SYNM: variants seen among roughly 807,000 people sequenced by gnomAD.
The protein encoded by SYNM is desmuslin.
In SYNM, 95 loss-of-function variants were observed where a neutral mutation model predicts 104.0. The observed-to-expected ratio is 0.91, with a 90% CI of 0.77 to 1.08. SYNM has a LOEUF of 1.08. SYNM is among the 50% of genes least tolerant of loss of function. SYNM has a pLI of 0.00. For missense variants in SYNM, 2,150 were observed against 2,052.2 expected (o/e 1.05, Z -0.92); for synonymous variants, 918 against 869.0 (o/e 1.06, Z -0.99).
downstream of SYNM, chr15:99,139,124 T>C (rs963685514): frequency 5.4e-6 from 4 of 740,112 alleles, no homozygotes; most frequent in Non-Finnish European, 7.0e-6. Context: ...AAGGATGAAT[T>C]ATTTTTAAAT....
At position 99,131,314 on chromosome 15, in the gene SYNM, A is replaced by T; in HGVS notation, c.2954A>T (p.Asp985Val). The T allele has an allele frequency of 6.2e-7, 1 of 1,613,076 alleles. No homozygotes were observed. The highest frequency in any genetic ancestry group is 8.5e-7 in the Non-Finnish European group (1 of 1,179,694). Residue 985 changes from aspartate to valine, a missense_variant, in exon 4 of 4, where the codon GAT (aspartate) becomes GTT (valine). Coordinates refer to ENST00000336292, the MANE Select transcript of SYNM (RefSeq NM_145728.3). The surrounding 1 kb of genome is among the most constrained non-coding windows in gnomAD (Gnocchi z 4.3). ...GGTGGGCCGGGGAGCGTTTCCGTGG[A>T]TGTCAAGAAGGTCCAGGGTGCTGGT... is the stretch of plus-strand genomic sequence containing the variant. The part of the protein sequence containing the change: ...GQGGPGSVSV[D>V]VKKVQGAGGS...
intron 1 of SYNM, among the ~76,000 whole-genome samples, chr15:99,108,737 A>C (rs1047976668): frequency 9.2e-5 from 14 of 152,150 alleles, no homozygotes; most frequent in Admixed American, 3.9e-4. Flanking sequence ...GTAAGTAGTT[A>C]AGCCAGGATT....
chr15:99,123,649 C>T (rs2067421891), intron 2 of SYNM, among the ~76,000 whole-genome samples: 2 of 152,252 alleles, frequency 1.3e-5, no homozygotes, highest in Non-Finnish European at 2.9e-5. Flanking sequence ...GCTCCTTCTC[C>T]AGCTCCGGAG....
chr15:99,136,244 TG>T (rs1261103938), downstream of SYNM: 1 of 65,480 alleles, frequency 1.5e-5, no homozygotes, highest in Non-Finnish European at 2.9e-5. Flanking sequence ...TGGGGTGGGG[TG>T]GGGGCGCTAA....
the SYNM span, among the ~76,000 whole-genome samples, chr15:99,141,562 A>G: frequency 4.6e-5 from 7 of 152,164 alleles, no homozygotes; most frequent in African/African-American, 1.7e-4. Context: ...TTCATAATAT[A>G]TTTTTTAAAA....
chr15:99,116,056 G>A (rs896579734), intron 2 of SYNM, among the ~76,000 whole-genome samples: 1 of 152,248 alleles, frequency 6.6e-6, no homozygotes, highest in Non-Finnish European at 1.5e-5. Flanking sequence ...GCTTCACCAA[G>A]GGATGAATTG....
Position 99,131,429 on chromosome 15 carries a change from G to C in SYNM, c.3069G>C (p.Glu1023Asp). ...ACCTGGAGGAGCTGAGCAAAGATGA[G>C]GCCAGTGAGATGGAGAAGGCTGTGG... Reference protein sequence around the residue: ...RLDLEELSKDEASEMEKAVES... With the variant: ...RLDLEELSKDDASEMEKAVES... The change falls in exon 4 of 4, where the codon GAG (glutamate) becomes GAC (aspartate). Residue 1023 changes from glutamate to aspartate, a missense_variant. Transcript: ENST00000336292. The surrounding 1 kb of genome is among the most constrained non-coding windows in gnomAD (Gnocchi z 4.3). 6.2e-7 allele frequency: 1 copy of C among 1,610,362 alleles called. No homozygotes were observed. Among genetic ancestry groups the C allele is most frequent in the Non-Finnish European group, 8.5e-7 (1 of 1,179,282 alleles).
chr15:99,125,682 C>T (rs2067440870), intron 2 of SYNM, among the ~76,000 whole-genome samples: 2 of 152,224 alleles, frequency 1.3e-5, no homozygotes, highest in South Asian at 4.1e-4. Flanking sequence ...CGTTTTTGTG[C>T]CCAGCTCTCA....
At chr15:99,109,319 T>C (rs1327431412) in intron 1 of SYNM, among the ~76,000 whole-genome samples, 1 of 152,126 alleles carries the variant, frequency 6.6e-6, no homozygotes, top group African/African-American at 2.4e-5. Flanking sequence ...GGAGGGGGCT[T>C]CAGAAAACAC....
chr15:99,112,827 C>A (rs2067311560), intron 1 of SYNM, among the ~76,000 whole-genome samples: 1 of 152,206 alleles, frequency 6.6e-6, no homozygotes, highest in Admixed American at 6.5e-5. Context: ...TCCTGTTCCT[C>A]AGCCTCCTGA....
downstream of SYNM, chr15:99,139,659 T>C: frequency 6.9e-7 from 1 of 1,439,728 alleles, no homozygotes; most frequent in South Asian, 1.3e-5. Flanking sequence ...TTAAAAGTAG[T>C]ATTTTTAAAA....
At chr15:99,139,393 G>A, downstream of SYNM, 1 of 1,614,166 alleles carries the variant, frequency 6.2e-7, no homozygotes, top group Non-Finnish European at 8.5e-7. Flanking sequence ...GTCTGGATCT[G>A]GAGACACTGT....
downstream of SYNM, chr15:99,140,364 G>C (rs191212592): frequency 6.6e-6 from 1 of 152,070 alleles, no homozygotes; most frequent in East Asian, 1.9e-4. Context: ...GAAAATACTG[G>C]AAAATATATA....
At position 99,131,878 on chromosome 15, in the gene SYNM, A is replaced by G; in HGVS notation, c.3518A>G (p.His1173Arg). 1 of 1,613,972 alleles carries G rather than the reference A, an allele frequency of 6.2e-7. No individual in the cohort carries two copies. The highest frequency in any genetic ancestry group is 8.5e-7 in the Non-Finnish European group (1 of 1,179,898). Residue 1173 changes from histidine to arginine, a missense_variant, in exon 4 of 4, where the codon CAT becomes CGT. By Grantham distance (29) the His-to-Arg change is conservative (BLOSUM62 0). Transcript: ENST00000336292. This position sits in a 1 kb window ranked among gnomAD's most constrained non-coding sequence, Gnocchi z 4.3. ...SPTGASRSVR[H>R]VTLGPGQSPL... ...ACCGGAGCCAGCCGGTCTGTGAGGC[A>G]TGTCACGCTGGGTCCCGGTCAAAGT...
At position 99,133,281 on chromosome 15, in the gene SYNM, CT is replaced by C; in HGVS notation, c.*227del. 1.1e-6 allele frequency: 1 copy of C among 928,598 alleles called. No homozygotes were observed. Among genetic ancestry groups the C allele is most frequent in the Non-Finnish European group, 1.5e-6 (1 of 660,578 alleles). 57.5% of individuals were successfully genotyped at this position (928,598 alleles called of 1,614,324 possible). ...CTGCAATTTTATTTTTGAGTTGGGACTTTTACAAAACACTTTTTTCCCTGGA... is the reference window on the plus strand; with the variant it reads ...CTGCAATTTTATTTTTGAGTTGGGACTTTACAAAACACTTTTTTCCCTGGA... On this transcript the variant is annotated 3_prime_UTR_variant, in exon 4 of 4. Transcript: ENST00000336292.
rs781923096 is a variant in SYNM at position 99,131,315 on chromosome 15, TGTCAAGAAG to T, written c.2959_2967del (p.Lys987_Val989del). ...GTGGGCCGGGGAGCGTTTCCGTGGATGTCAAGAAGGTCCAGGGTGCTGGTGGCAGTTCCG... is the reference window on the plus strand; with the variant it reads ...GTGGGCCGGGGAGCGTTTCCGTGGATGTCCAGGGTGCTGGTGGCAGTTCCG... On this transcript the variant is annotated inframe_deletion, in exon 4 of 4. Transcript: ENST00000336292. This position sits in a 1 kb window ranked among gnomAD's most constrained non-coding sequence, Gnocchi z 4.3. 6.2e-7 allele frequency: 1 copy of T among 1,612,962 alleles called. No homozygotes were observed. The highest frequency in any genetic ancestry group is 2.2e-5 in the East Asian group (1 of 44,832).
chr15:99,138,241 A>G (rs1555488219), downstream of SYNM: 7 of 1,281,628 alleles, frequency 5.5e-6, no homozygotes, highest in African/African-American at 7.4e-5. Flanking sequence ...AAGACTTGGT[A>G]GGGGCTATAA....
downstream of SYNM, chr15:99,137,904 A>G (rs2067716481): frequency 6.5e-7 from 1 of 1,533,482 alleles, no homozygotes; most frequent in Non-Finnish European, 8.8e-7. Context: ...GGCCTTGGAA[A>G]TCTGTATCCT....
chr15:99,136,479 C>T (rs1346419193), downstream of SYNM: 10 of 152,268 alleles, frequency 6.6e-5, no homozygotes, highest in African/African-American at 2.4e-4. Flanking sequence ...AGTTTCATTT[C>T]CTGGTGAGGG....
Sources: allele counts gnomAD v4.1 joint callset (sites outside exome capture counted in the v4.1 genomes callset), GRCh38; gene constraint gnomAD v4.1.1; non-coding constraint Gnocchi (gnomAD v3.1); transcripts MANE v1.5; gene names NCBI Gene and HGNC (gene_info 2026-07-23, HGNC 2026-07-21).